The following PDE12 variants were observed in gnomAD, a reference collection of about 807,000 sequenced individuals.
PDE12 encodes phosphodiesterase 12.
In PDE12, 26 loss-of-function variants were observed where a neutral mutation model predicts 45.4. That is an observed-to-expected ratio of 0.57 (90% CI 0.42 to 0.79). The LOEUF (loss-of-function observed/expected upper bound fraction) is 0.79. Among genes scored for constraint, PDE12 ranks in the 30% least tolerant of loss-of-function variants. The probability of loss-of-function intolerance (pLI) is 0.00; values close to 1 mark genes in which losing one functional copy is unlikely to be tolerated. For synonymous variants in PDE12, 283 were observed against 323.9 expected, an observed-to-expected ratio of 0.87 and a Z score of 1.36; for missense variants, 668 against 790.0, an observed-to-expected ratio of 0.85 and a Z score of 1.85.
the PDE12 span, among the ~76,000 whole-genome samples, chr3:57,645,224 A>G: frequency 2.0e-5 from 3 of 152,116 alleles, no homozygotes; most frequent in African/African-American, 4.8e-5. Context: ...GCACTTTGTG[A>G]GGCTGAGGCA....
At chr3:57,608,566 A>G in the PDE12 span, among the ~76,000 whole-genome samples, 2 of 151,810 alleles carry the variant, frequency 1.3e-5, no homozygotes. Flanking sequence ...ATGGAAAACA[A>G]AAAAAGGCAG....
At chr3:57,616,929 CAGG>C in the PDE12 span, among the ~76,000 whole-genome samples, 6 of 152,028 alleles carry the variant, frequency 3.9e-5, no homozygotes, top group Admixed American at 6.6e-5. Flanking sequence ...GAGGCTAAGG[CAGG>C]AGAATTGCTT....
At chr3:57,574,512 C>A in the PDE12 span, among the ~76,000 whole-genome samples, 1 of 150,488 alleles carries the variant, frequency 6.6e-6, no homozygotes, top group Non-Finnish European at 1.5e-5. Flanking sequence ...TGGGTTCAAA[C>A]AGTCCTCCCA....
the PDE12 span, among the ~76,000 whole-genome samples, chr3:57,604,990 C>A: frequency 6.6e-6 from 1 of 152,062 alleles, no homozygotes; most frequent in African/African-American, 2.4e-5. Context: ...GTAACAAAAA[C>A]CAGATTTACC....
At chr3:57,631,177 T>C in the PDE12 span, 1 of 559,982 alleles carries the variant, frequency 1.8e-6, no homozygotes, top group Non-Finnish European at 3.2e-6. Context: ...TTCAACTAAA[T>C]CTTAGATAAA....
the PDE12 span, among the ~76,000 whole-genome samples, chr3:57,620,790 T>C: frequency 1.3e-5 from 2 of 152,174 alleles, no homozygotes; most frequent in Non-Finnish European, 2.9e-5. Context: ...GAAAGACATG[T>C]TGATAATTAC....
At chr3:57,636,845 G>T in the PDE12 span, among the ~76,000 whole-genome samples, 3 of 150,426 alleles carry the variant, frequency 2.0e-5, no homozygotes, top group Non-Finnish European at 4.4e-5. Context: ...GCTGACACAG[G>T]AGAATCACTT....
At chr3:57,597,216 C>T in the PDE12 span, 1 of 1,403,432 alleles carries the variant, frequency 7.1e-7, no homozygotes, top group African/African-American at 1.4e-5. Context: ...TTCAAGCTCC[C>T]AGGCAAACTA....
the PDE12 span, among the ~76,000 whole-genome samples, chr3:57,649,047 A>T: frequency 6.6e-6 from 1 of 152,220 alleles, no homozygotes; most frequent in Admixed American, 6.5e-5. Flanking sequence ...ACAGCAAAAG[A>T]AATAATCAGC....
At chr3:57,646,224 C>T in the PDE12 span, 65 of 1,488,996 alleles carry the variant, frequency 4.4e-5, no homozygotes, top group Non-Finnish European at 5.4e-5. Context: ...GGGAAAAATA[C>T]GACAGGTGGG....
Position 57,560,912 on chromosome 3 carries a change from T to C in PDE12, c.*908T>C. 1 of 984,814 alleles carries C rather than the reference T, an allele frequency of 1.0e-6. No individual in the cohort carries two copies. Among genetic ancestry groups the C allele is most frequent in the Non-Finnish European group, 1.2e-6 (1 of 828,956 alleles). 61.0% of individuals were successfully genotyped at this position (984,814 alleles called of 1,614,324 possible). ...ACAATTTCAGAGCTTTAACAAAAGA[T>C]AAAAATAAATCGTCACCAATTGTTA... is the stretch of plus-strand genomic sequence containing the variant. On this transcript the variant is annotated 3_prime_UTR_variant, in exon 3 of 3. Transcript: ENST00000311180.
chr3:57,570,219 G>GT (rs34599005), downstream of PDE12, among the ~76,000 whole-genome samples: 36,417 of 101,350 alleles, frequency 0.36, 8,638 homozygotes, highest in African/African-American at 0.57. Context: ...TTAATCCAGT[G>GT]TTTTTTTTTT....
At chr3:57,634,648 C>CA in the PDE12 span, 2 of 1,482,974 alleles carry the variant, frequency 1.3e-6, no homozygotes, top group African/African-American at 1.4e-5. Context: ...AGAAGGTAAA[C>CA]AAAAAAACCC....
chr3:57,603,431 A>C, the PDE12 span, among the ~76,000 whole-genome samples: 1 of 151,766 alleles, frequency 6.6e-6, no homozygotes, highest in Admixed American at 6.6e-5. Context: ...TCTCCCTCCC[A>C]GGTTCAAGTG....
rs554174099 is a variant in PDE12, at chr3:57,559,872, C to T, written c.1698C>T (p.Asp566=). 2 of 1,614,114 alleles carry T rather than the reference C, an allele frequency of 1.2e-6. No homozygotes were observed. Among genetic ancestry groups the T allele is most frequent in the East Asian group, 4.5e-5 (2 of 44,872 alleles). The change falls in exon 3 of 3, where the codon GAC becomes GAT. Residue 566 remains aspartate, a synonymous_variant. Coordinates refer to ENST00000311180, the MANE Select transcript of PDE12 (RefSeq NM_177966.7). ...GATGTCTAGATTACATTTTCATTGA[C>T]TTAAATGCTTTAGAGGTTGAACAGG... The part of the protein sequence containing the change: ...FHGCLDYIFI[D]LNALEVEQVI...
chr3:57,624,817 A>G, the PDE12 span, among the ~76,000 whole-genome samples: 2 of 152,098 alleles, frequency 1.3e-5, no homozygotes, highest in Non-Finnish European at 2.9e-5. Flanking sequence ...AAAGAAGAGG[A>G]AGAAGTAAAA....
At position 57,563,434 on chromosome 3, in the gene PDE12, G is replaced by A. The variant is rs1054925867; in HGVS notation, c.*3430G>A. On this transcript the variant is annotated 3_prime_UTR_variant, in exon 3 of 3. Transcript: ENST00000311180. ...TGTTACATAGGTATACATGTGCCAT[G>A]TTGGTTTGCTGCACCCGTTAACTCG... is the stretch of plus-strand genomic sequence containing the variant. The A allele has an allele frequency of 6.6e-6, 1 of 152,136 alleles. No homozygotes were observed. The highest frequency in any genetic ancestry group is 2.4e-5 in the African/African-American group (1 of 41,412). The allele number at this position is 152,136 out of a possible 1,614,324, so 9.4% of individuals were successfully genotyped here.
At chr3:57,620,022 G>A in the PDE12 span, among the ~76,000 whole-genome samples, 1 of 152,022 alleles carries the variant, frequency 6.6e-6, no homozygotes, top group South Asian at 2.1e-4. Flanking sequence ...AGGAGTTTGA[G>A]ACCAGCCTGG....
the PDE12 span, among the ~76,000 whole-genome samples, chr3:57,629,555 A>G: frequency 1.6e-5 from 2 of 121,568 alleles, no homozygotes; most frequent in African/African-American, 6.5e-5. Flanking sequence ...TCTGTCGCCC[A>G]GGCTGGAGCA....
Sources: allele counts gnomAD v4.1 joint callset (sites outside exome capture counted in the v4.1 genomes callset), GRCh38; gene constraint gnomAD v4.1.1; transcripts MANE v1.5; gene names NCBI Gene and HGNC (gene_info 2026-07-23, HGNC 2026-07-21).